Variants in TENM3 observed in about 807,000 individuals in gnomAD.
The protein encoded by TENM3 is teneurin-3.
In TENM3, 63 loss-of-function variants were observed where a neutral mutation model predicts 255.1. The observed-to-expected ratio is 0.25, with a 90% CI of 0.20 to 0.30. The LOEUF is 0.30. TENM3 is among the 10% of genes least tolerant of loss of function. TENM3 has a pLI of 1.00. For synonymous variants in TENM3, 1,306 were observed against 1,322.3 expected (o/e 0.99, Z 0.27); for missense variants, 2,929 against 3,461.1 (o/e 0.85, Z 3.86).
the TENM3 span, among the ~76,000 whole-genome samples, chr4:182,030,964 C>T: frequency 2.6e-5 from 4 of 152,066 alleles, no homozygotes; most frequent in Non-Finnish European, 5.9e-5. Context: ...AGACCTTTGT[C>T]AGGTGGATAT....
the TENM3 span, among the ~76,000 whole-genome samples, chr4:182,047,851 C>T: frequency 6.6e-6 from 1 of 152,120 alleles, no homozygotes; most frequent in African/African-American, 2.4e-5. Context: ...CCAATTATGA[C>T]GTTATTTATG....
intron 22 of TENM3, among the ~76,000 whole-genome samples, chr4:182,772,304 C>T (rs531220845): frequency 2.0e-5 from 3 of 152,286 alleles, no homozygotes; most frequent in East Asian, 1.9e-4. Flanking sequence ...TCCTGTGTGG[C>T]CCCGTGTTTT....
chr4:181,582,725 TGAGA>T, the TENM3 span, among the ~76,000 whole-genome samples: 1 of 146,026 alleles, frequency 6.8e-6, no homozygotes, highest in Admixed American at 6.8e-5. Flanking sequence ...TTGCGGTTAG[TGAGA>T]AAGAAACTGA....
At chr4:182,239,374 C>T (rs543226572), upstream of TENM3, among the ~76,000 whole-genome samples, 25 of 152,158 alleles carry the variant, frequency 1.6e-4, no homozygotes, top group African/African-American at 5.3e-4. Context: ...CCACCGCGCC[C>T]GGCCAAAAAT....
intron 22 of TENM3, among the ~76,000 whole-genome samples, chr4:182,760,039 A>C (rs1763024517): frequency 6.6e-6 from 1 of 152,158 alleles, no homozygotes; most frequent in African/African-American, 2.4e-5. Context: ...GAGCTAAATA[A>C]TTATTCATTA....
the TENM3 span, among the ~76,000 whole-genome samples, chr4:181,760,019 T>A: frequency 6.6e-6 from 1 of 152,048 alleles, no homozygotes; most frequent in Non-Finnish European, 1.5e-5. Context: ...TCAACCACCA[T>A]GCTGCCTACA....
the TENM3 span, among the ~76,000 whole-genome samples, chr4:181,605,534 G>GAA: frequency 9.0e-5 from 2 of 22,190 alleles, 1 homozygote; most frequent in Non-Finnish European, 2.3e-4. Context: ...AAGAAAGAAA[G>GAA]AAAGAAAGAA....
At chr4:182,360,568 T>G (rs527573438) in intron 3 of TENM3, among the ~76,000 whole-genome samples, 2 of 152,308 alleles carry the variant, frequency 1.3e-5, no homozygotes, top group South Asian at 2.1e-4. Context: ...CTTTTCCATT[T>G]GCTTGGTAGG....
the TENM3 span, among the ~76,000 whole-genome samples, chr4:182,000,120 T>C: frequency 6.6e-6 from 1 of 152,152 alleles, no homozygotes; most frequent in East Asian, 1.9e-4. Flanking sequence ...GTTTTATTGT[T>C]TCTTTTTCAC....
chr4:181,936,616 G>A, the TENM3 span, among the ~76,000 whole-genome samples: 1 of 152,094 alleles, frequency 6.6e-6, no homozygotes, highest in Non-Finnish European at 1.5e-5. Flanking sequence ...GTCACCATGA[G>A]TAATAGTCTT....
chr4:181,891,969 T>C, the TENM3 span, among the ~76,000 whole-genome samples: 150 of 152,254 alleles, frequency 9.9e-4, no homozygotes, highest in African/African-American at 3.3e-3. Flanking sequence ...ACAGAGGGAA[T>C]TCAACCTTCT....
upstream of TENM3, chr4:182,141,619 G>C (rs544184996): frequency 6.6e-6 from 1 of 152,212 alleles, no homozygotes; most frequent in African/African-American, 2.4e-5. Context: ...GCGCAGGGCC[G>C]TATTAATGAG....
At chr4:181,620,348 G>A in the TENM3 span, among the ~76,000 whole-genome samples, 7 of 152,040 alleles carry the variant, frequency 4.6e-5, no homozygotes, top group Non-Finnish European at 7.4e-5. Context: ...CAGGACACCC[G>A]CGTATACCCA....
Position 182,792,982 on chromosome 4 carries a change from A to G in TENM3, c.6310A>G (p.Ile2104Val), listed in dbSNP as rs536473470. 1 of 1,613,972 alleles carries G rather than the reference A, an allele frequency of 6.2e-7. No individual in the cohort carries two copies. The highest frequency in any genetic ancestry group is 1.1e-5 in the South Asian group (1 of 91,072). ...IFRSLMYWIT[I>V]QYDNMGRVTK... ...CAGGTCGCTCATGTACTGGATTACA[A>G]TTCAGTATGATAACATGGGTCGGGT... The change falls in exon 26 of 28, where the codon ATT (isoleucine) becomes GTT (valine). Residue 2104 changes from isoleucine to valine, a missense_variant. Ile to Val is a conservative substitution (Grantham distance 29). Around this residue, in one of 6 missense-constraint regions of TENM3, gnomAD observed 256 missense variants for 389.3 expected, o/e 0.66. Transcript: ENST00000511685. The surrounding 1 kb of genome is among the most constrained non-coding windows in gnomAD (Gnocchi z 6.3).
At chr4:181,962,459 G>C in the TENM3 span, among the ~76,000 whole-genome samples, 1 of 152,302 alleles carries the variant, frequency 6.6e-6, no homozygotes, top group Non-Finnish European at 1.5e-5. Flanking sequence ...TGGTATTGTT[G>C]TATCTGCAAC....
intron 1 of TENM3, among the ~76,000 whole-genome samples, chr4:182,145,533 C>T (rs1204913374): frequency 1.3e-5 from 2 of 152,170 alleles, no homozygotes; most frequent in Admixed American, 6.5e-5. Flanking sequence ...TCTTACTATG[C>T]AGCTTGGATT....
chr4:181,930,749 T>C, the TENM3 span, among the ~76,000 whole-genome samples: 6 of 152,272 alleles, frequency 3.9e-5, no homozygotes, highest in African/African-American at 1.2e-4. Flanking sequence ...CTGATGAACA[T>C]TGATGCAAAA....
At chr4:181,586,267 G>A in the TENM3 span, among the ~76,000 whole-genome samples, 142 of 152,238 alleles carry the variant, frequency 9.3e-4, 1 homozygote, top group Non-Finnish European at 1.9e-3. Flanking sequence ...GAAATATAGT[G>A]GAACATCCTT....
intron 1 of TENM3, among the ~76,000 whole-genome samples, chr4:182,246,008 G>C (rs1229733295): frequency 6.6e-6 from 1 of 152,100 alleles, no homozygotes; most frequent in Non-Finnish European, 1.5e-5. Flanking sequence ...TTTTCTGGTA[G>C]CACTCCCTGG....
Sources: allele counts gnomAD v4.1 joint callset (sites outside exome capture counted in the v4.1 genomes callset), GRCh38; gene constraint gnomAD v4.1.1; regional missense constraint gnomAD v4.1.1; non-coding constraint Gnocchi (gnomAD v3.1); transcripts MANE v1.5; gene names NCBI Gene and HGNC (gene_info 2026-07-23, HGNC 2026-07-21).